CCDC102B: variants seen among roughly 807,000 people sequenced by gnomAD.
The protein encoded by CCDC102B is coiled-coil domain containing 102B.
In CCDC102B, 75 loss-of-function variants were observed where a neutral mutation model predicts 57.4. The observed-to-expected ratio is 1.31, with a 90% CI of 1.08 to 1.58. CCDC102B has a LOEUF of 1.58. Ranked by LOEUF, CCDC102B falls within the 40% of genes most tolerant of loss-of-function variation. The pLI is 0.00. For synonymous variants in CCDC102B, 206 were observed against 201.9 expected (o/e 1.02, Z -0.17); for missense variants, 636 against 582.6 (o/e 1.09, Z -0.94).
intron 3 of CCDC102B, among the ~76,000 whole-genome samples, chr18:68,842,101 T>C (rs1199491066): frequency 6.6e-6 from 1 of 151,982 alleles, no homozygotes; most frequent in Non-Finnish European, 1.5e-5. Flanking sequence ...AAATGTTCAA[T>C]TTTTTTCTTA....
At chr18:68,897,648 G>A in intron 6 of CCDC102B, 2 of 1,468,934 alleles carry the variant, frequency 1.4e-6, no homozygotes, top group South Asian at 1.2e-5. Flanking sequence ...TCTTCAGACA[G>A]TTTCAAGATT....
chr18:68,790,813 T>G (rs1160161948), intron 2 of CCDC102B, among the ~76,000 whole-genome samples: 3 of 152,240 alleles, frequency 2.0e-5, no homozygotes, highest in African/African-American at 7.2e-5. Context: ...CTGGGAGCTG[T>G]AGACCGGAGC....
At chr18:68,898,879 A>G (rs555451140) in intron 6 of CCDC102B, among the ~76,000 whole-genome samples, 1,787 of 152,230 alleles carry the variant, frequency 0.012, 36 homozygotes, top group East Asian at 0.081. Flanking sequence ...ATCAAAATGT[A>G]TTAATATAAA....
At chr18:68,898,955 A>C (rs1038085553) in intron 6 of CCDC102B, among the ~76,000 whole-genome samples, 1 of 152,058 alleles carries the variant, frequency 6.6e-6, no homozygotes, top group Non-Finnish European at 1.5e-5. Flanking sequence ...TCATCAGGGC[A>C]CACCGAGTCC....
At chr18:68,811,158 T>TA (rs2036249259) in intron 1 of CCDC102B, among the ~76,000 whole-genome samples, 1 of 152,234 alleles carries the variant, frequency 6.6e-6, no homozygotes, top group Non-Finnish European at 1.5e-5. Flanking sequence ...GCAGTAAACA[T>TA]ACGTGTGCAT....
intron 4 of CCDC102B, among the ~76,000 whole-genome samples, chr18:68,873,375 C>A (rs1226300088): frequency 6.6e-6 from 1 of 152,094 alleles, no homozygotes; most frequent in Non-Finnish European, 1.5e-5. Context: ...TCTGCTCTTT[C>A]CTTTACTACC....
chr18:68,904,724 A>G (rs2040565489), intron 6 of CCDC102B, among the ~76,000 whole-genome samples: 2 of 152,140 alleles, frequency 1.3e-5, no homozygotes, highest in Admixed American at 1.3e-4. Context: ...AATTTTACCA[A>G]TCTAATTCTA....
At chr18:68,963,530 A>G (rs923015111) in intron 6 of CCDC102B, among the ~76,000 whole-genome samples, 1 of 151,904 alleles carries the variant, frequency 6.6e-6, no homozygotes, top group Admixed American at 6.6e-5. Flanking sequence ...TTAATTAAAC[A>G]GTATATTCCC....
chr18:68,769,453 AG>A (rs2034569248), intron 2 of CCDC102B, among the ~76,000 whole-genome samples: 1 of 152,052 alleles, frequency 6.6e-6, no homozygotes, highest in African/African-American at 2.4e-5. Context: ...ATGAGTTTAA[AG>A]GGTACACAAT....
chr18:68,717,370 A>G (rs1229698632), intron 2 of CCDC102B, among the ~76,000 whole-genome samples: 1 of 152,246 alleles, frequency 6.6e-6, no homozygotes, highest in South Asian at 2.1e-4. Context: ...AAATGTCTCA[A>G]TATTTTTTAC....
At chr18:68,914,489 A>C (rs1054885769) in intron 6 of CCDC102B, among the ~76,000 whole-genome samples, 2 of 152,232 alleles carry the variant, frequency 1.3e-5, no homozygotes, top group Non-Finnish European at 2.9e-5. Context: ...AAAAATTTAT[A>C]AAGCATGCAA....
intron 4 of CCDC102B, among the ~76,000 whole-genome samples, chr18:68,856,947 A>G (rs2038414683): frequency 6.9e-6 from 1 of 145,536 alleles, no homozygotes; most frequent in African/African-American, 2.5e-5. Flanking sequence ...ACACACACAT[A>G]CAGTCTATAT....
chr18:69,003,590 GACCTGAT>G, intron 6 of CCDC102B, among the ~76,000 whole-genome samples: 1 of 152,110 alleles, frequency 6.6e-6, no homozygotes, highest in Non-Finnish European at 1.5e-5. Flanking sequence ...GTCTACTCTG[GACCTGAT>G]ACCTATGCTT....
chr18:68,747,418 T>C lies in CCDC102B; in HGVS notation c.-67+30824T>C, dbSNP rs142627234. 1.1e-3 allele frequency among the ~76,000 whole-genome samples: 170 copies of C among 152,264 alleles called. 1 individual carries two copies. In the East Asian group the frequency reaches 0.026, roughly 24 times the overall value. ...AACAAACTTTTAATTTTAAAGTGCA[T>C]AATATAGTATTGTTAGCTGCAGGCA... On this transcript the variant is annotated intron_variant, in intron 2 of 3. Coordinates refer to the CCDC102B transcript ENST00000578970.
chr18:68,964,546 A>G (rs558572498), intron 6 of CCDC102B, among the ~76,000 whole-genome samples: 1 of 151,692 alleles, frequency 6.6e-6, no homozygotes, highest in Non-Finnish European at 1.5e-5. Context: ...TATATTATCT[A>G]TTGGTTAAAT....
chr18:68,889,745 G>C (rs1568313124), intron 5 of CCDC102B, among the ~76,000 whole-genome samples: 1 of 152,040 alleles, frequency 6.6e-6, no homozygotes, highest in Non-Finnish European at 1.5e-5. Flanking sequence ...GGCCAAATTA[G>C]TGTTGTTTTA....
intron 6 of CCDC102B, among the ~76,000 whole-genome samples, chr18:68,962,607 CA>C (rs1335487261): frequency 3.3e-5 from 5 of 151,732 alleles, no homozygotes; most frequent in African/African-American, 1.2e-4. Flanking sequence ...TTGGGTGTGG[CA>C]TTGCATATGT....
chr18:68,939,738 C>T (rs1002526598), intron 6 of CCDC102B, among the ~76,000 whole-genome samples: 3 of 151,750 alleles, frequency 2.0e-5, no homozygotes, highest in Admixed American at 2.0e-4. Context: ...AAGATGTCTC[C>T]TCATTCTGCT....
intron 4 of CCDC102B, among the ~76,000 whole-genome samples, chr18:68,860,399 A>T (rs1318965587): frequency 1.4e-5 from 1 of 72,486 alleles, no homozygotes; most frequent in African/African-American, 4.1e-5. Context: ...ACATGTATAC[A>T]TATGTAACTA....
Sources: gnomAD v4.1 joint callset for allele counts (sites outside exome capture counted in the v4.1 genomes callset) on GRCh38, gnomAD v4.1.1 for gene constraint, MANE v1.5 for transcripts, NCBI Gene and HGNC (gene_info 2026-07-23, HGNC 2026-07-21) for gene names.